Variants in PCDHGB4 observed in about 807,000 individuals in gnomAD.
PCDHGB4 encodes protocadherin gamma subfamily B, 4.
PCDHGB4 carries 38 observed loss-of-function variants against 60.5 expected under a neutral mutation model. That is an observed-to-expected ratio of 0.63 (90% CI 0.48 to 0.82). PCDHGB4 has a LOEUF of 0.82. Among genes scored for constraint, PCDHGB4 ranks in the 40% least tolerant of loss-of-function variants. PCDHGB4 has a pLI of 0.00. For synonymous variants in PCDHGB4, 456 were observed against 509.7 expected, an observed-to-expected ratio of 0.89 and a Z score of 1.42; for missense variants, 1,109 against 1,209.6, an observed-to-expected ratio of 0.92 and a Z score of 1.23.
intron 1 of PCDHGB4, chr5:141,426,685 A>C (rs1342844985): frequency 4.6e-6 from 2 of 432,608 alleles, no homozygotes; most frequent in African/African-American, 2.0e-5. Flanking sequence ...CATTTTCCCC[A>C]AAATAGCATT....
At chr5:141,413,257 T>A (rs777964429) in intron 1 of PCDHGB4, 1 of 1,613,836 alleles carries the variant, frequency 6.2e-7, no homozygotes, top group African/African-American at 1.3e-5. Flanking sequence ...CGGGATTCCA[T>A]GGGAGGCTGG....
intron 1 of PCDHGB4, chr5:141,405,493 C>T: frequency 1.2e-6 from 1 of 841,642 alleles, no homozygotes; most frequent in Middle Eastern, 3.1e-4. Flanking sequence ...GATCTCGGCT[C>T]ATTGCAACCT....
At chr5:141,455,686 G>A (rs1282071031) in intron 1 of PCDHGB4, among the ~76,000 whole-genome samples, 1 of 152,094 alleles carries the variant, frequency 6.6e-6, no homozygotes. Context: ...AAGGCTGTGG[G>A]AATCGCCAAG....
In PCDHGB4 at chr5:141,432,293, G is replaced by C. The variant is rs765631138; in HGVS notation, c.2397+42012G>C. Reference sequence around the variant, plus strand: ...CTACGTGTCCATCAACTCCGACACTGGGGTACTGTATGCGCTGAGCTCCTT... The same window carrying C: ...CTACGTGTCCATCAACTCCGACACTCGGGTACTGTATGCGCTGAGCTCCTT... On this transcript the variant is annotated intron_variant, in intron 1 of 3. Coordinates refer to ENST00000519479, the MANE Select transcript of PCDHGB4 (RefSeq NM_003736.4). This position sits in a 1 kb window ranked among gnomAD's most constrained non-coding sequence, Gnocchi z 6.0. 6.2e-7 allele frequency: 1 copy of C among 1,614,254 alleles called. No individual in the cohort carries two copies.
At chr5:141,454,344 G>A (rs1455147295) in intron 1 of PCDHGB4, among the ~76,000 whole-genome samples, 3 of 152,236 alleles carry the variant, frequency 2.0e-5, no homozygotes, top group Non-Finnish European at 4.4e-5. Flanking sequence ...AATGTTGGAA[G>A]TTGATCCAAA....
intron 1 of PCDHGB4, among the ~76,000 whole-genome samples, chr5:141,460,912 G>GTGTATATATA (rs145509489): frequency 6.7e-6 from 1 of 149,236 alleles, no homozygotes; most frequent in Non-Finnish European, 1.5e-5. Flanking sequence ...ATTCCATGGT[G>GTGTATATATA]TATATATATA....
At chr5:141,480,221 T>C (rs2099514536) in intron 1 of PCDHGB4, among the ~76,000 whole-genome samples, 1 of 149,748 alleles carries the variant, frequency 6.7e-6, no homozygotes, top group Admixed American at 6.7e-5. Context: ...CTGAGCGACA[T>C]AGTGAGATCC....
intron 1 of PCDHGB4, among the ~76,000 whole-genome samples, chr5:141,462,825 C>T (rs1040054698): frequency 4.6e-5 from 7 of 152,124 alleles, no homozygotes; most frequent in Admixed American, 3.9e-4. Context: ...GGACAGCAGA[C>T]ATTGTAAATG....
chr5:141,408,153 C>T, intron 1 of PCDHGB4: 4 of 1,509,360 alleles, frequency 2.7e-6, no homozygotes, highest in Non-Finnish European at 3.6e-6. Context: ...CGGTAGAGTG[C>T]ACTTTCTCCA....
At chr5:141,399,700 G>T (rs1354039219) in intron 1 of PCDHGB4, 1 of 1,613,422 alleles carries the variant, frequency 6.2e-7, no homozygotes. Flanking sequence ...GCGCACCTTC[G>T]AACTCACACT....
rs1389286417 is a variant in PCDHGB4 at position 141,432,046 on chromosome 5, C to T, written c.2397+41765C>T. ...CAGTGACCGCCACTGACCGGGGAAC[C>T]CCGCCCCTATCCACGGAAACTCATA... On this transcript the variant is annotated intron_variant, in intron 1 of 3. Transcript: ENST00000519479. This position sits in a 1 kb window ranked among gnomAD's most constrained non-coding sequence, Gnocchi z 6.0. 3.1e-6 allele frequency: 5 copies of T among 1,614,224 alleles called. No homozygotes were observed. The highest frequency in any genetic ancestry group is 2.2e-5 in the East Asian group (1 of 44,886).
chr5:141,507,632 G>A (rs551849213), intron 3 of PCDHGB4, among the ~76,000 whole-genome samples: 6 of 152,360 alleles, frequency 3.9e-5, no homozygotes, highest in Non-Finnish European at 7.3e-5. Flanking sequence ...GTGGCCTTGC[G>A]CCCTGAGGCC....
intron 1 of PCDHGB4, chr5:141,427,811 C>T (rs1335555425): frequency 6.6e-7 from 1 of 1,523,180 alleles, no homozygotes; most frequent in Admixed American, 1.7e-5. Flanking sequence ...GCGCACAGAG[C>T]GGGGTGGTGG....
Position 141,476,993 on chromosome 5 carries a change from C to A in PCDHGB4, c.2398-17814C>A. 6.2e-7 allele frequency: 1 copy of A among 1,614,244 alleles called. No individual in the cohort carries two copies. Among genetic ancestry groups the A allele is most frequent in the South Asian group, 1.1e-5 (1 of 91,086 alleles). Reference sequence around the variant, plus strand: ...CAGCCACAACCGCGCCGGCGTGCGGCAACTATTCGCCTTAGACCTTGTAAC... The same window carrying A: ...CAGCCACAACCGCGCCGGCGTGCGGAAACTATTCGCCTTAGACCTTGTAAC... On this transcript the variant is annotated intron_variant, in intron 1 of 3. Coordinates refer to ENST00000519479, the MANE Select transcript of PCDHGB4 (RefSeq NM_003736.4). This position sits in a 1 kb window ranked among gnomAD's most constrained non-coding sequence, Gnocchi z 7.6.
chr5:141,394,347 G>A lies in PCDHGB4; in HGVS notation c.2397+4066G>A, dbSNP rs770737407. 1.9e-6 allele frequency: 3 copies of A among 1,614,118 alleles called. No homozygotes were observed. The South Asian group carries it at 3.3e-5, about 18-fold the overall frequency. On this transcript the variant is annotated intron_variant, in intron 1 of 3. Coordinates refer to ENST00000519479, the MANE Select transcript of PCDHGB4 (RefSeq NM_003736.4). ...GTATATCTCCATCAACTCTGACACC[G>A]GTGTCCTGTATGCGCTGCAATCTTT...
chr5:141,393,744 G>A lies in PCDHGB4; in HGVS notation c.2397+3463G>A, dbSNP rs770821376. The A allele has an allele frequency of 2.0e-5, 32 of 1,613,750 alleles. No individual in the cohort carries two copies. The highest frequency in any genetic ancestry group is 2.7e-5 in the Non-Finnish European group (32 of 1,179,884). On this transcript the variant is annotated intron_variant, in intron 1 of 3. Coordinates refer to ENST00000519479, the MANE Select transcript of PCDHGB4 (RefSeq NM_003736.4). ...AATAGCAAAAAGTCTAGATTATGAAGAATGTTCATTTTATGAAATGGAAAT... is the reference window on the plus strand; with the variant it reads ...AATAGCAAAAAGTCTAGATTATGAAAAATGTTCATTTTATGAAATGGAAAT...
Position 141,397,579 on chromosome 5 carries a change from A to G in PCDHGB4, c.2397+7298A>G, listed in dbSNP as rs73279085. Among the ~76,000 whole-genome samples, 1,264 of 152,334 alleles carry G rather than the reference A, an allele frequency of 8.3e-3. 17 individuals are homozygous for G. Among genetic ancestry groups the G allele is most frequent in the African/African-American group, 0.029 (1,200 of 41,570 alleles). On this transcript the variant is annotated intron_variant, in intron 1 of 3. Coordinates refer to ENST00000519479, the MANE Select transcript of PCDHGB4 (RefSeq NM_003736.4). ...AGGCTCTGAGAGCAAGAACTGTATCATATTAATTATTATATTGCCAGTGAC... is the reference window on the plus strand; with the variant it reads ...AGGCTCTGAGAGCAAGAACTGTATCGTATTAATTATTATATTGCCAGTGAC...
At position 141,388,513 on chromosome 5, in the gene PCDHGB4, T is replaced by A; in HGVS notation, c.629T>A (p.Leu210Ter). Residue 210 changes from leucine to a stop codon, truncating the protein, a stop_gained, in exon 1 of 4, where the codon TTG becomes TAG. Transcript: ENST00000519479. LOFTEE classifies it high-confidence loss of function. Reference sequence around the variant, plus strand: ...AGAGAAAAGCAGAAATCCTACCACTTGACTTTGACTGCCTTGGACTTTGGA... The same window carrying A: ...AGAGAAAAGCAGAAATCCTACCACTAGACTTTGACTGCCTTGGACTTTGGA... ...LDREKQKSYH[L>*]TLTALDFGAP... 2 of 1,613,840 alleles carry A rather than the reference T, an allele frequency of 1.2e-6. No individual in the cohort carries two copies. The highest frequency in any genetic ancestry group is 1.7e-6 in the Non-Finnish European group (2 of 1,179,898).
In PCDHGB4 at chr5:141,491,907, G is replaced by A; in HGVS notation, c.2398-2900G>A. 5 of 1,408,726 alleles carry A rather than the reference G, an allele frequency of 3.5e-6. No homozygotes were observed. In the South Asian group the frequency reaches 7.5e-5, roughly 21 times the overall value. The allele number at this position is 1,408,726 out of a possible 1,614,324, so 87.3% of individuals were successfully genotyped here. A position where few individuals can be genotyped will look rare whatever the true frequency, so the allele number is the denominator to read the frequency against. ...TGGGGCTCCGAGCACCGGGGGTGGTGGCGACTGTGGGCGAGGGGAGGTGGG... is the reference window on the plus strand; with the variant it reads ...TGGGGCTCCGAGCACCGGGGGTGGTAGCGACTGTGGGCGAGGGGAGGTGGG... On this transcript the variant is annotated intron_variant, in intron 1 of 3. Coordinates refer to ENST00000519479, the MANE Select transcript of PCDHGB4 (RefSeq NM_003736.4). This position sits in a 1 kb window ranked among gnomAD's most constrained non-coding sequence, Gnocchi z 6.9.
Sources: allele counts gnomAD v4.1 joint callset (sites outside exome capture counted in the v4.1 genomes callset), GRCh38; gene constraint gnomAD v4.1.1; non-coding constraint Gnocchi (gnomAD v3.1); transcripts MANE v1.5; gene names NCBI Gene and HGNC (gene_info 2026-07-23, HGNC 2026-07-21).